The following KCNIP4 variants were observed in gnomAD, a reference collection of about 807,000 sequenced individuals.
KCNIP4 encodes the protein potassium voltage-gated channel interacting protein 4.
KCNIP4 carries 12 observed loss-of-function variants against 34.0 expected under a neutral mutation model. The ratio of observed to expected loss-of-function variants is 0.35; its 90% CI spans 0.23 to 0.57. KCNIP4 has a LOEUF of 0.57. KCNIP4 is among the 20% of genes least tolerant of loss of function. The pLI is 0.83. For synonymous variants in KCNIP4, 124 were observed against 102.2 expected (o/e 1.21, Z -1.29); for missense variants, 238 against 311.7 (o/e 0.76, Z 1.78).
intron 1 of KCNIP4, among the ~76,000 whole-genome samples, chr4:21,106,276 C>T (rs1012423433): frequency 1.3e-5 from 2 of 151,608 alleles, no homozygotes; most frequent in Admixed American, 1.3e-4. Flanking sequence ...TTCAGAGCCT[C>T]TTATTGATCT....
chr4:21,269,690 C>T (rs531698692), intron 1 of KCNIP4, among the ~76,000 whole-genome samples: 449 of 152,242 alleles, frequency 2.9e-3, no homozygotes, highest in African/African-American at 8.5e-3. Context: ...CCACTGCGCC[C>T]GCCCCAGCTT....
At chr4:21,229,970 A>T (rs1237069473) in intron 1 of KCNIP4, among the ~76,000 whole-genome samples, 1 of 152,204 alleles carries the variant, frequency 6.6e-6, no homozygotes, top group Admixed American at 6.5e-5. Context: ...TCCACCCAAC[A>T]TTCATATCTA....
chr4:20,879,036 T>G (rs1297870950), intron 2 of KCNIP4, among the ~76,000 whole-genome samples: 3 of 146,240 alleles, frequency 2.1e-5, no homozygotes, highest in Non-Finnish European at 4.7e-5. Flanking sequence ...ACGCTCAGAG[T>G]GAGTGCTACA....
At chr4:21,816,413 T>C (rs1039001248) in intron 1 of KCNIP4, among the ~76,000 whole-genome samples, 4 of 152,064 alleles carry the variant, frequency 2.6e-5, no homozygotes, top group Non-Finnish European at 4.4e-5. Flanking sequence ...GGTGAGGACC[T>C]AAAAAAGTGA....
intron 1 of KCNIP4, among the ~76,000 whole-genome samples, chr4:21,097,613 T>C (rs1489392121): frequency 6.6e-6 from 1 of 152,114 alleles, no homozygotes; most frequent in Non-Finnish European, 1.5e-5. Flanking sequence ...GCTACCATCA[T>C]TGTTTGGGGC....
intron 1 of KCNIP4, among the ~76,000 whole-genome samples, chr4:21,923,710 G>T (rs1729072354): frequency 6.6e-6 from 1 of 152,124 alleles, no homozygotes; most frequent in Non-Finnish European, 1.5e-5. Flanking sequence ...CCCACCGTGG[G>T]CTCATCCTTC....
intron 1 of KCNIP4, among the ~76,000 whole-genome samples, chr4:21,063,537 C>T (rs1481355985): frequency 6.6e-6 from 1 of 152,136 alleles, no homozygotes; most frequent in Non-Finnish European, 1.5e-5. Flanking sequence ...ATAAATACCA[C>T]TGAGCAGAGG....
intron 6 of KCNIP4, 65 bp downstream of exon 6, chr4:20,734,563 A>T: frequency 1.3e-6 from 1 of 777,922 alleles, no homozygotes; most frequent in Non-Finnish European, 2.0e-6. Flanking sequence ...AATTGCAATT[A>T]ATATTTTAAA....
intron 1 of KCNIP4, among the ~76,000 whole-genome samples, chr4:21,116,392 C>T (rs1749677653): frequency 6.6e-6 from 1 of 152,160 alleles, no homozygotes; most frequent in African/African-American, 2.4e-5. Flanking sequence ...ACTCATTTAT[C>T]CAAGGAACAG....
chr4:21,690,378 C>T (rs777216370), intron 1 of KCNIP4, among the ~76,000 whole-genome samples: 4 of 151,952 alleles, frequency 2.6e-5, no homozygotes, highest in Non-Finnish European at 4.4e-5. Context: ...AATGTGATCC[C>T]AGTGTTGGAG....
chr4:21,651,394 T>C (rs1425199430), intron 1 of KCNIP4, among the ~76,000 whole-genome samples: 1 of 152,122 alleles, frequency 6.6e-6, no homozygotes, highest in Non-Finnish European at 1.5e-5. Flanking sequence ...TGCCATCTAA[T>C]GAAGATTAGG....
intron 1 of KCNIP4, among the ~76,000 whole-genome samples, chr4:21,873,226 T>C (rs1397975478): frequency 6.6e-6 from 1 of 152,196 alleles, no homozygotes; most frequent in Non-Finnish European, 1.5e-5. Context: ...TAAGGTGATA[T>C]ATACTTGAAA....
chr4:21,489,414 C>T (rs968613527), intron 1 of KCNIP4, among the ~76,000 whole-genome samples: 1 of 151,396 alleles, frequency 6.6e-6, no homozygotes, highest in South Asian at 2.1e-4. Flanking sequence ...TCTCCAATGA[C>T]TTTTCAAAAA....
intron 1 of KCNIP4, among the ~76,000 whole-genome samples, chr4:21,441,548 T>C (rs1038639728): frequency 6.6e-6 from 1 of 152,156 alleles, no homozygotes; most frequent in Non-Finnish European, 1.5e-5. Flanking sequence ...GAATGATGCA[T>C]CAAAAGTCAA....
intron 1 of KCNIP4, among the ~76,000 whole-genome samples, chr4:21,885,869 G>A (rs144793466): frequency 3.9e-4 from 59 of 152,176 alleles, no homozygotes; most frequent in South Asian, 1.5e-3. Context: ...TGATTGCCAC[G>A]AAGATGAGAA....
At chr4:20,901,327 A>G (rs1727133436) in intron 1 of KCNIP4, among the ~76,000 whole-genome samples, 1 of 152,228 alleles carries the variant, frequency 6.6e-6, no homozygotes, top group Non-Finnish European at 1.5e-5. Context: ...TTTAAAATGT[A>G]ATAAGGACAT....
chr4:20,866,008 G>A (rs1052857202), intron 2 of KCNIP4, among the ~76,000 whole-genome samples: 13 of 151,908 alleles, frequency 8.6e-5, no homozygotes, highest in South Asian at 2.1e-4. Flanking sequence ...AATTGAGTCA[G>A]TAATAAAGAA....
At chr4:21,293,271 C>G (rs1763646196) in intron 1 of KCNIP4, among the ~76,000 whole-genome samples, 1 of 152,148 alleles carries the variant, frequency 6.6e-6, no homozygotes, top group South Asian at 2.1e-4. Flanking sequence ...TAAGATGAAA[C>G]TGAAGCTCAA....
chr4:21,181,375 T>C (rs544376884), intron 1 of KCNIP4, among the ~76,000 whole-genome samples: 16 of 152,256 alleles, frequency 1.1e-4, no homozygotes, highest in African/African-American at 2.6e-4. Flanking sequence ...CTCTTAAGGC[T>C]GATTCTCAGT....
Sources: gnomAD v4.1 joint callset for allele counts (sites outside exome capture counted in the v4.1 genomes callset) on GRCh38, gnomAD v4.1.1 for gene constraint, MANE v1.5 for transcripts, NCBI Gene and HGNC (gene_info 2026-07-23, HGNC 2026-07-21) for gene names.